The following STPG2 variants were observed in gnomAD, a reference collection of about 807,000 sequenced individuals.
STPG2 encodes the protein sperm tail PG-rich repeat containing 2.
In STPG2, 56 loss-of-function variants were observed where a neutral mutation model predicts 54.2. The ratio of observed to expected loss-of-function variants is 1.03; its 90% CI spans 0.83 to 1.29. The LOEUF (loss-of-function observed/expected upper bound fraction) is 1.29, where lower values mean the gene tolerates loss of function less well. Among genes scored for constraint, STPG2 ranks in the 50% most tolerant of loss-of-function variants. STPG2 has a pLI of 0.00. For missense variants in STPG2, 596 were observed against 544.9 expected (o/e 1.09, Z -0.93); for synonymous variants, 200 against 181.8 (o/e 1.10, Z -0.81).
At chr4:97,672,390 C>G (rs3857214) in intron 10 of STPG2, among the ~76,000 whole-genome samples, 13,215 of 151,836 alleles carry the variant, frequency 0.087, 1,630 homozygotes, top group African/African-American at 0.27. Context: ...GTTAGTCAGG[C>G]TGGTCTCGAA....
intron 8 of STPG2, among the ~76,000 whole-genome samples, chr4:97,880,972 T>A (rs1730348545): frequency 6.6e-6 from 1 of 151,824 alleles, no homozygotes; most frequent in Non-Finnish European, 1.5e-5. Flanking sequence ...TTACTCTTAA[T>A]GAGGAAAGGA....
intron 10 of STPG2, among the ~76,000 whole-genome samples, chr4:97,654,820 CA>C (rs1435743009): frequency 2.0e-5 from 3 of 151,478 alleles, no homozygotes; most frequent in African/African-American, 4.9e-5. Context: ...TCATAAATAA[CA>C]ATAATCAAAT....
At chr4:97,705,395 G>A (rs530706975) in intron 10 of STPG2, among the ~76,000 whole-genome samples, 149 of 151,504 alleles carry the variant, frequency 9.8e-4, no homozygotes, top group Admixed American at 1.9e-3. Context: ...GCGCGATCTC[G>A]GCTCACTGCA....
At chr4:97,813,420 TTACTATGCTA>T (rs1480613552) in intron 9 of STPG2, among the ~76,000 whole-genome samples, 12 of 152,004 alleles carry the variant, frequency 7.9e-5, no homozygotes, top group Non-Finnish European at 1.5e-4. Flanking sequence ...TATTGAGCAC[TTACTATGCTA>T]TGGGTACTAT....
intron 4 of STPG2, among the ~76,000 whole-genome samples, chr4:97,472,316 A>G (rs982961363): frequency 1.3e-5 from 2 of 152,222 alleles, no homozygotes; most frequent in African/African-American, 4.8e-5. Context: ...TAAAAACTCC[A>G]GGGAGACGCA....
At chr4:97,708,229 C>A (rs1256696943) in intron 10 of STPG2, among the ~76,000 whole-genome samples, 1 of 151,806 alleles carries the variant, frequency 6.6e-6, no homozygotes, top group Admixed American at 6.6e-5. Flanking sequence ...TTTTCATAAT[C>A]AAATGGTTTT....
At chr4:98,007,640 G>T (rs1172168680) in intron 5 of STPG2, among the ~76,000 whole-genome samples, 1 of 151,940 alleles carries the variant, frequency 6.6e-6, no homozygotes, top group African/African-American at 2.4e-5. Context: ...GCAAGATAAA[G>T]AATTCAAAGT....
At position 98,143,281 on chromosome 4, in the gene STPG2, G is replaced by A. The variant is rs1740356305; in HGVS notation, c.-131C>T. The A allele has an allele frequency of 1.6e-6, 1 of 634,996 alleles. No individual in the cohort carries two copies. Among genetic ancestry groups the A allele is most frequent in the Non-Finnish European group, 2.7e-6 (1 of 365,138 alleles). 39.3% of individuals were successfully genotyped at this position (634,996 alleles called of 1,614,324 possible). ...GGCCGGGAAAGAACTTCCGTAAACA[G>A]GGAAATTAGGGGTGGGGTTGTCTCC... On this transcript the variant is annotated 5_prime_UTR_variant, in exon 1 of 11. Coordinates refer to ENST00000295268, the MANE Select transcript of STPG2 (RefSeq NM_174952.3).
intron 4 of STPG2, among the ~76,000 whole-genome samples, chr4:97,541,349 A>G (rs981776936): frequency 1.3e-5 from 2 of 152,226 alleles, no homozygotes; most frequent in Admixed American, 1.3e-4. Flanking sequence ...GAGCCAAATC[A>G]TGAGTGAACT....
At chr4:97,820,250 A>G (rs1417257285) in intron 9 of STPG2, among the ~76,000 whole-genome samples, 2 of 152,094 alleles carry the variant, frequency 1.3e-5, no homozygotes, top group African/African-American at 2.4e-5. Context: ...GTGTGTTCCT[A>G]TGGCTCCACT....
intron 10 of STPG2, among the ~76,000 whole-genome samples, chr4:97,574,621 A>G (rs905535750): frequency 6.6e-6 from 1 of 152,014 alleles, no homozygotes; most frequent in South Asian, 2.1e-4. Context: ...GAGGGATTAC[A>G]TCAGAGAGTA....
At chr4:97,907,790 A>T (rs943019523) in intron 8 of STPG2, among the ~76,000 whole-genome samples, 1 of 152,126 alleles carries the variant, frequency 6.6e-6, no homozygotes, top group Admixed American at 6.5e-5. Flanking sequence ...TTTAATAAAT[A>T]GTGGTGGGAA....
chr4:97,445,032 A>G (rs905705886), intron 4 of STPG2, among the ~76,000 whole-genome samples: 1 of 152,150 alleles, frequency 6.6e-6, no homozygotes, highest in African/African-American at 2.4e-5. Context: ...GCAAGACTCC[A>G]TCTCAAATAA....
At chr4:97,831,407 A>T (rs989500697) in intron 9 of STPG2, among the ~76,000 whole-genome samples, 2 of 152,176 alleles carry the variant, frequency 1.3e-5, no homozygotes, top group Non-Finnish European at 2.9e-5. Flanking sequence ...CTAAATGGCC[A>T]CAAGAGAAAG....
chr4:97,790,184 A>C (rs1350793714), intron 9 of STPG2, among the ~76,000 whole-genome samples: 2 of 150,092 alleles, frequency 1.3e-5, no homozygotes, highest in Non-Finnish European at 3.0e-5. Context: ...GAACAACGGC[A>C]CATCTGGAGC....
rs1362012662 is a variant in STPG2, at chr4:97,849,839, G to C, written c.1045-8907C>G. 7.8e-4 allele frequency among the ~76,000 whole-genome samples: 119 copies of C among 152,090 alleles called. 1 individual carries two copies. Among genetic ancestry groups the C allele is most frequent in the Admixed American group, 2.1e-3 (32 of 15,282 alleles). The stretch of plus-strand genomic sequence containing the variant: ...CTGTTGGTGGGACTGTCAACTAGTT[G>C]AACCATTGTGGAAGTCAGTGTGGCG... On this transcript the variant is annotated intron_variant, in intron 8 of 10. Transcript: ENST00000295268.
intron 7 of STPG2, among the ~76,000 whole-genome samples, chr4:97,950,013 A>C (rs1018873451): frequency 2.6e-5 from 4 of 152,060 alleles, no homozygotes. Flanking sequence ...TACTTATTTT[A>C]ATCTATTGTT....
intron 9 of STPG2, among the ~76,000 whole-genome samples, chr4:97,748,484 T>C (rs191498987): frequency 2.8e-4 from 43 of 151,606 alleles, no homozygotes; most frequent in African/African-American, 8.9e-4. Context: ...CACTTCAGAT[T>C]TGTAAAAATT....
chr4:98,000,792 C>T (rs1447616529), intron 5 of STPG2, among the ~76,000 whole-genome samples: 2 of 152,026 alleles, frequency 1.3e-5, no homozygotes, highest in Non-Finnish European at 2.9e-5. Flanking sequence ...AGGGTATATG[C>T]CATTCAAATG....
Sources: gnomAD v4.1 joint callset for allele counts (sites outside exome capture counted in the v4.1 genomes callset) on GRCh38, gnomAD v4.1.1 for gene constraint, MANE v1.5 for transcripts, NCBI Gene and HGNC (gene_info 2026-07-23, HGNC 2026-07-21) for gene names.